PRH1: variants seen among roughly 807,000 people sequenced by gnomAD.
PRH1 encodes proline rich protein HaeIII subfamily 1, also known as salivary acidic proline-rich phosphoprotein 1/2.
A neutral mutation model predicts 7.9 loss-of-function variants in PRH1; 7 were observed. The observed-to-expected ratio is 0.89, with a 90% CI of 0.50 to 1.67. The LOEUF is 1.67. PRH1 is among the 40% of genes most tolerant of loss of function. The pLI, the probability that PRH1 is intolerant of heterozygous loss-of-function variation, is 0.00. For missense variants in PRH1, 109 were observed against 223.6 expected (o/e 0.49, Z 3.27); for synonymous variants, 45 against 80.8 (o/e 0.56, Z 2.38).
intron 1 of PRH1, among the ~76,000 whole-genome samples, chr12:11,063,586 C>A (rs938238384): frequency 6.6e-6 from 1 of 152,040 alleles, no homozygotes; most frequent in African/African-American, 2.4e-5. Context: ...GAGATATAAA[C>A]ATCTAATGTA....
intron 2 of PRH1, among the ~76,000 whole-genome samples, chr12:10,949,160 C>G (rs968441837): frequency 6.6e-6 from 1 of 152,100 alleles, no homozygotes; most frequent in African/African-American, 2.4e-5. Context: ...CTGAAGAGAT[C>G]TTAGTAGTGG....
chr12:11,165,727 T>C (rs1464259976), intron 1 of PRH1, among the ~76,000 whole-genome samples: 1 of 152,154 alleles, frequency 6.6e-6, no homozygotes, highest in Non-Finnish European at 1.5e-5. Context: ...GTGTGTGAAA[T>C]TGTATCAATC....
intron 1 of PRH1, among the ~76,000 whole-genome samples, chr12:11,039,507 T>C (rs1241633080): frequency 6.6e-6 from 1 of 152,258 alleles, no homozygotes; most frequent in Non-Finnish European, 1.5e-5. Flanking sequence ...ATGAAGAGTT[T>C]TTTAAATGTT....
chr12:11,022,489 G>A (rs756166076), intron 1 of PRH1: 3 of 1,613,258 alleles, frequency 1.9e-6, no homozygotes, highest in Admixed American at 1.7e-5. Context: ...ATTTACTAGG[G>A]CTATGAAGCC....
At chr12:10,902,119 TC>T (rs1394298313) in intron 2 of PRH1, among the ~76,000 whole-genome samples, 2 of 151,994 alleles carry the variant, frequency 1.3e-5, no homozygotes, top group African/African-American at 4.8e-5. Context: ...CAGAGAGATT[TC>T]TAAAGCAATC....
chr12:11,096,174 C>T lies in PRH1; in HGVS notation n.124-48986G>A, dbSNP rs140209812. Among the ~76,000 whole-genome samples the T allele has an allele frequency of 2.8e-4, 32 of 114,758 alleles. 8 individuals are homozygous for T. Among genetic ancestry groups the T allele is most frequent in the African/African-American group, 7.3e-4 (25 of 34,366 alleles). The allele number at this position is 114,758 out of a possible 152,430, so 75.3% of individuals were successfully genotyped here. On this transcript the variant is annotated intron_variant and non_coding_transcript_variant, in intron 1 of 4. Coordinates refer to the PRH1 transcript ENST00000541977. Reference sequence around the variant, plus strand: ...TCTGCCCCATTTGCTCTCTTCTAATCTTCTGGAACTGCAGAAGTATGTTAG... The same window carrying T: ...TCTGCCCCATTTGCTCTCTTCTAATTTTCTGGAACTGCAGAAGTATGTTAG...
At chr12:10,987,648 C>T (rs890471246) in intron 1 of PRH1, among the ~76,000 whole-genome samples, 4 of 151,888 alleles carry the variant, frequency 2.6e-5, no homozygotes, top group Non-Finnish European at 5.9e-5. Flanking sequence ...AGGCCATCCA[C>T]GTGAAATTAG....
intron 1 of PRH1, among the ~76,000 whole-genome samples, chr12:11,060,717 T>C (rs1480830286): frequency 1.3e-5 from 2 of 152,296 alleles, no homozygotes; most frequent in Admixed American, 6.5e-5. Flanking sequence ...ATGGTAGACA[T>C]AGTTGAAACT....
intron 1 of PRH1, among the ~76,000 whole-genome samples, chr12:11,054,193 A>T (rs981108017): frequency 6.6e-6 from 1 of 152,154 alleles, no homozygotes; most frequent in Non-Finnish European, 1.5e-5. Flanking sequence ...AGTAACACAA[A>T]ATCAACATAT....
chr12:11,010,819 C>T (rs1291266013), intron 1 of PRH1, among the ~76,000 whole-genome samples: 2 of 151,412 alleles, frequency 1.3e-5, no homozygotes, highest in African/African-American at 4.8e-5. Context: ...AATTACATGA[C>T]TGATTTCATG....
In PRH1 at chr12:11,042,144, T is replaced by C. The variant is rs1390011090; in HGVS notation, c.-126+4876A>G. Among the ~76,000 whole-genome samples, 4 of 151,662 alleles carry C rather than the reference T, an allele frequency of 2.6e-5. No homozygotes were observed. In the South Asian group the frequency reaches 8.3e-4, roughly 32 times the overall value. On this transcript the variant is annotated intron_variant, in intron 1 of 3. Coordinates refer to the PRH1 transcript ENST00000539853. ...AAAATTACAGCAGAAATAAATGAAATTGAAATGAAGAAAACAATACAAAAG... is the reference window on the plus strand; with the variant it reads ...AAAATTACAGCAGAAATAAATGAAACTGAAATGAAGAAAACAATACAAAAG...
intron 1 of PRH1, among the ~76,000 whole-genome samples, chr12:11,042,623 CTTT>C (rs71051557): frequency 0.21 from 16,402 of 78,734 alleles, 1,097 homozygotes; most frequent in Non-Finnish European, 0.25. Context: ...CAGGCTCATT[CTTT>C]TTTTTTTTTT....
chr12:11,133,955 C>T, intron 1 of PRH1: 1 of 1,614,090 alleles, frequency 6.2e-7, no homozygotes, highest in South Asian at 1.1e-5. Context: ...AGTAGCAAGC[C>T]AGCTGCTGAA....
upstream of PRH1, among the ~76,000 whole-genome samples, chr12:11,052,148 C>A (rs1164155809): frequency 6.6e-6 from 1 of 152,268 alleles, no homozygotes; most frequent in Non-Finnish European, 1.5e-5. Context: ...TACGTTTAAT[C>A]CAACAAGACA....
At chr12:10,898,373 A>G (rs1028761520) in intron 2 of PRH1, among the ~76,000 whole-genome samples, 2 of 152,238 alleles carry the variant, frequency 1.3e-5, no homozygotes, top group African/African-American at 4.8e-5. Flanking sequence ...CTCCATGACT[A>G]AAAGAAAGGC....
At chr12:11,042,123 T>C (rs1055848140) in intron 1 of PRH1, among the ~76,000 whole-genome samples, 1 of 151,422 alleles carries the variant, frequency 6.6e-6, no homozygotes, top group African/African-American at 2.4e-5. Context: ...ATAATAAAAA[T>C]TACAGCAGAA....
At chr12:11,085,697 T>G (rs1457979480) in intron 1 of PRH1, among the ~76,000 whole-genome samples, 1 of 116,212 alleles carries the variant, frequency 8.6e-6, no homozygotes, top group East Asian at 2.1e-4. Context: ...GTCCTTGTTA[T>G]AAAATGTCTC....
intron 1 of PRH1, among the ~76,000 whole-genome samples, chr12:10,995,275 A>T (rs1179605894): frequency 1.3e-5 from 2 of 152,198 alleles, no homozygotes; most frequent in Non-Finnish European, 2.9e-5. Context: ...TACAGTAAGC[A>T]AGATCTATAT....
intron 2 of PRH1, among the ~76,000 whole-genome samples, chr12:10,906,452 AT>A (rs1460397143): frequency 1.3e-5 from 2 of 152,242 alleles, no homozygotes; most frequent in Non-Finnish European, 2.9e-5. Context: ...GGCAGAAAAT[AT>A]TTATAAAACA....
Sources: gnomAD v4.1 joint callset for allele counts (sites outside exome capture counted in the v4.1 genomes callset) on GRCh38, gnomAD v4.1.1 for gene constraint, MANE v1.5 for transcripts, NCBI Gene and HGNC (gene_info 2026-07-23, HGNC 2026-07-21) for gene names.